NOTCH2: variants seen among roughly 807,000 people sequenced by gnomAD.
NOTCH2 encodes the protein neurogenic locus notch homolog protein 2.
In NOTCH2, 29 loss-of-function variants were observed where a neutral mutation model predicts 235.8. The observed-to-expected ratio is 0.12, with a 90% CI of 0.09 to 0.17. The LOEUF is 0.17. Among genes scored for constraint, NOTCH2 ranks in the 10% least tolerant of loss-of-function variants. The probability of loss-of-function intolerance (pLI) is 1.00; values close to 1 mark genes in which losing one functional copy is unlikely to be tolerated. For synonymous variants in NOTCH2, 1,086 were observed against 1,141.5 expected, an observed-to-expected ratio of 0.95 and a Z score of 0.98; for missense variants, 2,285 against 3,150.2, an observed-to-expected ratio of 0.73 and a Z score of 6.57.
chr1:120,006,977 C>G (rs587657502), intron 2 of NOTCH2, among the ~76,000 whole-genome samples: 2 of 152,132 alleles, frequency 1.3e-5, no homozygotes, highest in African/African-American at 2.4e-5. Context: ...AAGAATTGTG[C>G]GGTAGCTAAA....
chr1:119,948,354 C>T (rs1364695638), intron 17 of NOTCH2, 60 bp downstream of exon 17: 2 of 1,604,268 alleles, frequency 1.2e-6, no homozygotes, highest in Non-Finnish European at 1.7e-6. Flanking sequence ...CTGGGCTCTC[C>T]TCTGCTCCCT....
intron 16 of NOTCH2, among the ~76,000 whole-genome samples, 160 bp from the exon 17 acceptor site, chr1:119,948,726 G>A (rs1042985526): frequency 1.3e-5 from 2 of 152,142 alleles, no homozygotes; most frequent in African/African-American, 2.4e-5. Context: ...TGTGGCCTAG[G>A]AAGTTGCTGC....
At chr1:120,058,274 C>CG (rs1408130412) in intron 1 of NOTCH2, among the ~76,000 whole-genome samples, 5 of 151,988 alleles carry the variant, frequency 3.3e-5, no homozygotes, top group Non-Finnish European at 7.4e-5. Flanking sequence ...GAGGCTGAGG[C>CG]GGGCGGATCA....
chr1:119,955,307 T>C, intron 12 of NOTCH2, 75 bp from the exon 13 acceptor site: 1 of 1,472,008 alleles, frequency 6.8e-7, no homozygotes, highest in Non-Finnish European at 9.5e-7. Context: ...AGACACGTTA[T>C]GTTGACATCC....
intron 1 of NOTCH2, among the ~76,000 whole-genome samples, chr1:120,053,737 T>A (rs1236937083): frequency 7.5e-6 from 1 of 133,764 alleles, no homozygotes; most frequent in African/African-American, 3.3e-5. Flanking sequence ...AGACAAATGT[T>A]CCCAGGCTAT....
Position 119,920,311 on chromosome 1 carries a change from G to A in NOTCH2, c.5397C>T (p.Ile1799=), listed in dbSNP as rs1183571535. The change falls in exon 30 of 34, where the codon ATC becomes ATT. Residue 1799 remains isoleucine (I), a synonymous_variant. Coordinates refer to ENST00000256646, the MANE Select transcript of NOTCH2 (RefSeq NM_024408.4). The part of the protein sequence containing the change: ...WTQQHLEAAD[I]RRTPSLALTP... ...TGAGAGCCAGCGATGGTGTCCTACG[G>A]ATGTCTGCAGCTTCAAGGTGCTGCT... is the stretch of plus-strand genomic sequence containing the variant. 2 of 1,614,186 alleles carry A rather than the reference G, an allele frequency of 1.2e-6. No homozygotes were observed. The highest frequency in any genetic ancestry group is 1.1e-5 in the South Asian group (1 of 91,082).
At position 119,916,405 on chromosome 1, in the gene NOTCH2, G is replaced by T. The variant is rs756388778; in HGVS notation, c.6317C>A (p.Pro2106His). Residue 2106 changes from proline to histidine, a missense_variant, in exon 34 of 34, where the codon CCC (proline) becomes CAC (histidine). By Grantham distance (77) the Pro-to-His change is moderately conservative. Coordinates refer to ENST00000256646, the MANE Select transcript of NOTCH2 (RefSeq NM_024408.4). ...AGTAGGCATGGTACTCTTGGCACTGGGCCGTCTAGACTTCTTGCCCATTGG... is the reference window on the plus strand; with the variant it reads ...AGTAGGCATGGTACTCTTGGCACTGTGCCGTCTAGACTTCTTGCCCATTGG... ...HTPMGKKSRRPSAKSTMPTSL... is the reference protein window; with the variant it reads ...HTPMGKKSRRHSAKSTMPTSL... 1.2e-6 allele frequency: 2 copies of T among 1,614,144 alleles called. No individual in the cohort carries two copies. The highest frequency in any genetic ancestry group is 1.1e-5 in the South Asian group (1 of 91,080).
intron 7 of NOTCH2, 112 bp from the exon 8 acceptor site, chr1:119,967,733 T>A: frequency 1.1e-6 from 1 of 909,158 alleles, no homozygotes; most frequent in South Asian, 1.4e-5. Context: ...TTCAATAATA[T>A]CATTCCCAAT....
chr1:119,921,698 C>A lies in NOTCH2; in HGVS notation c.5310+15G>T. The stretch of plus-strand genomic sequence containing the variant: ...ATAATGGCTGACAATGGTGGTTCTA[C>A]CATGGCCACCTCACCTTTACTTTCT... On this transcript the variant is annotated intron_variant, in intron 29 of 33. Coordinates refer to ENST00000256646, the MANE Select transcript of NOTCH2 (RefSeq NM_024408.4). The A allele has an allele frequency of 6.2e-7, 1 of 1,609,252 alleles. No homozygotes were observed. The highest frequency in any genetic ancestry group is 8.5e-7 in the Non-Finnish European group (1 of 1,175,532).
intron 17 of NOTCH2, among the ~76,000 whole-genome samples, chr1:119,947,156 G>A (rs1553197131): frequency 6.6e-6 from 1 of 152,070 alleles, no homozygotes; most frequent in Non-Finnish European, 1.5e-5. Flanking sequence ...CATGAAGCAT[G>A]AACTATAAAG....
At chr1:119,941,411 G>C in intron 18 of NOTCH2, 115 bp downstream of exon 18, 1 of 748,456 alleles carries the variant, frequency 1.3e-6, no homozygotes, top group Non-Finnish European at 2.4e-6. Flanking sequence ...TGTGGACTGG[G>C]ATCCATGTGG....
At chr1:120,005,652 T>C (rs1652944871) in intron 2 of NOTCH2, 64 bp from the exon 3 acceptor site, 5 of 924,618 alleles carry the variant, frequency 5.4e-6, no homozygotes, top group South Asian at 4.3e-5. Flanking sequence ...AAAATTACAG[T>C]AAAACAATAC....
Position 119,997,145 on chromosome 1 carries a change from C to A in NOTCH2, c.603G>T (p.Leu201=), listed in dbSNP as rs1553204313. Residue 201 remains leucine (L), a synonymous_variant, in exon 4 of 34, where the codon CTG becomes CTT. Transcript: ENST00000256646. The stretch of plus-strand genomic sequence containing the variant: ...GGCACTGGCACTGGTAGGAACCAGG[C>A]AGGTTGAGGCAGGTGCCACCATGCT... ...HCQHGGTCLN[L]PGSYQCQCPQ... is the part of the protein sequence containing the mutation. 1.9e-6 allele frequency: 3 copies of A among 1,613,898 alleles called. No homozygotes were observed. The East Asian group carries it at 6.7e-5, about 36-fold the overall frequency.
chr1:119,972,150 G>A (rs986402124), intron 5 of NOTCH2, among the ~76,000 whole-genome samples: 1 of 151,252 alleles, frequency 6.6e-6, no homozygotes, highest in African/African-American at 2.4e-5. Context: ...AGGGAGGGAG[G>A]GAGTCAGTGA....
At chr1:119,978,348 A>G (rs1651673163) in intron 5 of NOTCH2, among the ~76,000 whole-genome samples, 1 of 152,152 alleles carries the variant, frequency 6.6e-6, no homozygotes, top group South Asian at 2.1e-4. Context: ...GACTAAATCC[A>G]AAGACAAGGA....
chr1:119,922,836 C>A (rs2101156804), intron 26 of NOTCH2, 58 bp from the exon 27 acceptor site: 4 of 1,605,156 alleles, frequency 2.5e-6, no homozygotes, highest in Non-Finnish European at 3.4e-6. Context: ...CAGAAGAGTG[C>A]AGGTCAGGCA....
At chr1:120,017,914 GA>G (rs782032423) in intron 2 of NOTCH2, among the ~76,000 whole-genome samples, 5,206 of 142,368 alleles carry the variant, frequency 0.037, 117 homozygotes, top group Middle Eastern at 0.12. Flanking sequence ...CCCTGACTAA[GA>G]AAAAAAAAAA....
At position 119,966,352 on chromosome 1, in the gene NOTCH2, C is replaced by T. The variant is rs782374004; in HGVS notation, c.1567+24G>A. ...GTTGGCTTTGTGCTTTAAGAGAAAA[C>T]AGGGCCAGGTCGTGGGCACTTACCA... On this transcript the variant is annotated intron_variant, in intron 9 of 33. Coordinates refer to ENST00000256646, the MANE Select transcript of NOTCH2 (RefSeq NM_024408.4). 2.3e-5 allele frequency: 35 copies of T among 1,527,558 alleles called. 1 individual carries two copies. Among genetic ancestry groups the T allele is most frequent in the Non-Finnish European group, 3.2e-5 (35 of 1,100,952 alleles). The allele number at this position is 1,527,558 out of a possible 1,614,324, so 94.6% of individuals were successfully genotyped here. A position where few individuals can be genotyped will look rare whatever the true frequency, so the allele number is the denominator to read the frequency against.
intron 2 of NOTCH2, among the ~76,000 whole-genome samples, chr1:120,023,123 A>G (rs1235963952): frequency 6.6e-6 from 1 of 151,876 alleles, no homozygotes; most frequent in African/African-American, 2.4e-5. Context: ...ACTCAAACTT[A>G]AGTCTATCTG....
Sources: allele counts gnomAD v4.1 joint callset (sites outside exome capture counted in the v4.1 genomes callset), GRCh38; gene constraint gnomAD v4.1.1; transcripts MANE v1.5; gene names NCBI Gene and HGNC (gene_info 2026-07-23, HGNC 2026-07-21).